The following ZGRF1 variants were observed in gnomAD, a reference collection of about 807,000 sequenced individuals.
ZGRF1 encodes the protein zinc finger GRF-type containing 1.
ZGRF1 carries 196 observed loss-of-function variants against 203.5 expected under a neutral mutation model. The observed-to-expected ratio is 0.96, with a 90% CI of 0.86 to 1.08. The LOEUF (loss-of-function observed/expected upper bound fraction) is 1.08. Ranked by LOEUF, ZGRF1 falls within the 50% of genes least tolerant of loss-of-function variation. The pLI is 0.00. For synonymous variants in ZGRF1, 809 were observed against 841.3 expected, an observed-to-expected ratio of 0.96 and a Z score of 0.66; for missense variants, 2,326 against 2,416.3, an observed-to-expected ratio of 0.96 and a Z score of 0.78.
chr4:112,632,068 AT>A (rs2047429709), intron 2 of ZGRF1, 58 bp from the exon 3 acceptor site: 2 of 774,334 alleles, frequency 2.6e-6, no homozygotes, highest in East Asian at 6.2e-5. Flanking sequence ...AATGTTATGT[AT>A]TTTATATATC....
At position 112,581,753 on chromosome 4, in the gene ZGRF1, T is replaced by C; in HGVS notation, c.4348A>G (p.Thr1450Ala). 1 of 1,536,548 alleles carries C rather than the reference T, an allele frequency of 6.5e-7. No individual in the cohort carries two copies. The highest frequency in any genetic ancestry group is 8.8e-7 in the Non-Finnish European group (1 of 1,137,498). The change falls in exon 16 of 28, where the codon ACT becomes GCT. Residue 1450 changes from threonine to alanine, a missense_variant. Thr to Ala is a moderately conservative substitution (Grantham distance 58). Coordinates refer to ENST00000505019, the MANE Select transcript of ZGRF1 (RefSeq NM_018392.5). ...RKQYGKLKKF[T>A]TVNPEFYNEP... ...TTATAAAACTCAGGATTTACAGTAG[T>C]AAACTTCTTTAGTTTGCCATACTGT...
chr4:112,591,171 A>G (rs1323062060), intron 10 of ZGRF1, among the ~76,000 whole-genome samples: 4 of 152,200 alleles, frequency 2.6e-5, no homozygotes, highest in Non-Finnish European at 5.9e-5. Flanking sequence ...TGCCAACACT[A>G]TATATTTTAA....
chr4:112,566,042 C>A (rs1332213642), intron 16 of ZGRF1, among the ~76,000 whole-genome samples: 2 of 152,152 alleles, frequency 1.3e-5, no homozygotes, highest in Non-Finnish European at 2.9e-5. Context: ...AAGACACATG[C>A]ACACATATGT....
chr4:112,584,255 C>T, intron 14 of ZGRF1, 81 bp from the exon 15 acceptor site: 1 of 834,600 alleles, frequency 1.2e-6, no homozygotes, highest in Non-Finnish European at 1.8e-6. Context: ...GTCAAGGCTT[C>T]TATGAAGACT....
chr4:112,618,584 T>C lies in ZGRF1; in HGVS notation c.1458A>G (p.Gln486=), dbSNP rs553083534. 5.3e-5 allele frequency: 86 copies of C among 1,613,760 alleles called. 1 individual carries two copies. The South Asian group carries it at 8.5e-4, about 16-fold the overall frequency. The change falls in exon 6 of 28, where the codon CAA becomes CAG. Residue 486 remains glutamine (Q), a synonymous_variant. Transcript: ENST00000505019. ...TCCTAGAATTATTACTAGATTCAAT[T>C]TGGAGATGTTTCAGTTCTGGCAGAG... ...ESSLPELKHL[Q]IESSNNSRIS...
rs767287152 is a variant in ZGRF1, at chr4:112,617,653, C to G, written c.2389G>C (p.Asp797His). 10 of 1,613,730 alleles carry G rather than the reference C, an allele frequency of 6.2e-6. No homozygotes were observed. The South Asian group carries it at 9.9e-5, about 16-fold the overall frequency. ...DLGKIRSPPP[D>H]HVEVETAREG... ...CTGGCAGTTTCAACCTCAACATGGT[C>G]AGGGGGTGGACTTCTAATCTTTCCC... Residue 797 changes from aspartate (D) to histidine (H), a missense_variant, in exon 6 of 28, where the codon GAC (aspartate) becomes CAC (histidine). Physicochemically the swap from Asp to His is moderately conservative, Grantham distance 81. Transcript: ENST00000505019.
chr4:112,547,520 T>C, intron 23 of ZGRF1, 112 bp from the exon 24 acceptor site: 1 of 925,682 alleles, frequency 1.1e-6, no homozygotes, highest in Non-Finnish European at 1.6e-6. Context: ...CCATGAAGTA[T>C]CCTGAGTACT....
At chr4:112,548,642 G>A (rs1488177983) in intron 22 of ZGRF1, among the ~76,000 whole-genome samples, 2 of 150,830 alleles carry the variant, frequency 1.3e-5, no homozygotes, top group Non-Finnish European at 2.9e-5. Flanking sequence ...CAGACGGAAA[G>A]TATCACAATA....
intron 23 of ZGRF1, 24 bp downstream of exon 23, chr4:112,548,229 T>C (rs1199652887): frequency 1.9e-6 from 3 of 1,551,090 alleles, no homozygotes; most frequent in Non-Finnish European, 2.6e-6. Context: ...GTATTACCCC[T>C]GGGGAAAGAA....
intron 4 of ZGRF1, among the ~76,000 whole-genome samples, 161 bp from the exon 5 acceptor site, chr4:112,620,351 T>C (rs752776078): frequency 2.6e-5 from 4 of 152,368 alleles, no homozygotes; most frequent in African/African-American, 4.8e-5. Context: ...TATGTACTCA[T>C]TAACTATCAA....
Position 112,617,722 on chromosome 4 carries a change from T to C in ZGRF1, c.2320A>G (p.Ile774Val), listed in dbSNP as rs1384775596. The change falls in exon 6 of 28, where the codon ATT (isoleucine) becomes GTT (valine). Residue 774 changes from isoleucine (I) to valine (V), a missense_variant. Transcript: ENST00000505019. Reference protein sequence around the residue: ...LFYPLGKKHLISKDTEAHISE... With the variant: ...LFYPLGKKHLVSKDTEAHISE... ...ATATGTGCTTCTGTGTCTTTGGAAA[T>C]AAGATGCTTTTTTCCCAGTGGGTAA... is the stretch of plus-strand genomic sequence containing the variant. 2 of 1,613,996 alleles carry C rather than the reference T, an allele frequency of 1.2e-6. No homozygotes were observed. Among genetic ancestry groups the C allele is most frequent in the Non-Finnish European group, 1.7e-6 (2 of 1,179,994 alleles).
rs756522228 is a variant in ZGRF1 at position 112,618,084 on chromosome 4, G to T, written c.1958C>A (p.Ala653Asp). ...SNFESFKWTD[A>D]VYGDNKEDAN... is the part of the protein sequence containing the mutation. ...ATCTTCTTTATTATCTCCGTATACAGCATCAGTCCACTTGAAAGATTCAAA... is the reference window on the plus strand; with the variant it reads ...ATCTTCTTTATTATCTCCGTATACATCATCAGTCCACTTGAAAGATTCAAA... Residue 653 changes from alanine to aspartate, a missense_variant, in exon 6 of 28, where the codon GCT becomes GAT. Transcript: ENST00000505019. 12 of 1,613,806 alleles carry T rather than the reference G, an allele frequency of 7.4e-6. No homozygotes were observed. The highest frequency in any genetic ancestry group is 1.0e-5 in the Non-Finnish European group (12 of 1,179,870).
At position 112,619,459 on chromosome 4, in the gene ZGRF1, C is replaced by A. The variant is rs141361995; in HGVS notation, c.583G>T (p.Val195Phe). ...TTAATCTGGAAGGATGGAGAAAAAA[C>A]CGAAGAAAAATCCATGGCATTTCTC... ...RERNAMDFSSVFSPSFQINPE... is the reference protein window; with the variant it reads ...RERNAMDFSSFFSPSFQINPE... The change falls in exon 6 of 28, where the codon GTT becomes TTT. Residue 195 changes from valine to phenylalanine, a missense_variant. Coordinates refer to ENST00000505019, the MANE Select transcript of ZGRF1 (RefSeq NM_018392.5). 115 of 1,611,574 alleles carry A rather than the reference C, an allele frequency of 7.1e-5. No individual in the cohort carries two copies. The highest frequency in any genetic ancestry group is 1.2e-4 in the African/African-American group (9 of 74,778).
intron 16 of ZGRF1, among the ~76,000 whole-genome samples, chr4:112,573,862 A>C (rs201993551): frequency 6.6e-6 from 1 of 152,176 alleles, no homozygotes; most frequent in East Asian, 1.9e-4. Flanking sequence ...GTTATAAAGA[A>C]CCCAATAGTA....
In ZGRF1 at chr4:112,619,480, T is replaced by C. The variant is rs2046994265; in HGVS notation, c.562A>G (p.Asn188Asp). The change falls in exon 6 of 28, where the codon AAT becomes GAT. Residue 188 changes from asparagine (N) to aspartate (D), a missense_variant. Transcript: ENST00000505019. ...NIVTYKNRER[N>D]AMDFSSVFSP... ...AAAACCGAAGAAAAATCCATGGCAT[T>C]TCTCTCCCTGTTCTTGTAAGTCACA... is the stretch of plus-strand genomic sequence containing the variant. The C allele has an allele frequency of 6.2e-7, 1 of 1,612,412 alleles. No homozygotes were observed. Among genetic ancestry groups the C allele is most frequent in the South Asian group, 1.1e-5 (1 of 90,830 alleles).
At chr4:112,579,835 C>T (rs140433798) in intron 16 of ZGRF1, among the ~76,000 whole-genome samples, 29,360 of 119,430 alleles carry the variant, frequency 0.25, 9,696 homozygotes, top group East Asian at 0.69. Context: ...ATTGTGAAAA[C>T]GGCCATACTG....
At chr4:112,547,656 T>G (rs1282735190) in intron 23 of ZGRF1, among the ~76,000 whole-genome samples, 1 of 152,212 alleles carries the variant, frequency 6.6e-6, no homozygotes, top group East Asian at 1.9e-4. Context: ...TGCCTCTGCA[T>G]GGAATTAATA....
chr4:112,575,482 G>A (rs188464608), intron 16 of ZGRF1, among the ~76,000 whole-genome samples: 2 of 152,146 alleles, frequency 1.3e-5, no homozygotes, highest in Admixed American at 6.5e-5. Flanking sequence ...GTGAGGCATC[G>A]CCTCACCCGG....
Position 112,563,106 on chromosome 4 carries a change from CTAAAA to C in ZGRF1, c.4582+20_4582+24del. 2 of 1,511,238 alleles carry C rather than the reference CTAAAA, an allele frequency of 1.3e-6. No homozygotes were observed. Among genetic ancestry groups the C allele is most frequent in the Non-Finnish European group, 8.9e-7 (1 of 1,125,668 alleles). The allele number at this position is 1,511,238 out of a possible 1,614,324, so 93.6% of individuals were successfully genotyped here. A position where few individuals can be genotyped will look rare whatever the true frequency, so the allele number is the denominator to read the frequency against. ...GTCTATCATTCTTTTTAAATATAAA[CTAAAA>C]TGAGCATAGTAATACTCACTGTTAG... On this transcript the variant is annotated intron_variant, in intron 17 of 27. Transcript: ENST00000505019.
Sources: allele counts gnomAD v4.1 joint callset (sites outside exome capture counted in the v4.1 genomes callset), GRCh38; gene constraint gnomAD v4.1.1; transcripts MANE v1.5; gene names NCBI Gene and HGNC (gene_info 2026-07-23, HGNC 2026-07-21).